NUP210L: variants seen among roughly 807,000 people sequenced by gnomAD.
NUP210L encodes nucleoporin 210 like.
Under a neutral mutation model 208.5 loss-of-function variants are expected in NUP210L, and 74 were observed. The ratio of observed to expected loss-of-function variants is 0.35; its 90% CI spans 0.29 to 0.43. The LOEUF (loss-of-function observed/expected upper bound fraction) is 0.43. Among genes scored for constraint, NUP210L ranks in the 20% least tolerant of loss-of-function variants. The pLI is 1.00. For synonymous variants in NUP210L, 780 were observed against 816.9 expected (o/e 0.95, Z 0.77); for missense variants, 1,843 against 2,289.4 (o/e 0.81, Z 3.98).
At chr1:154,091,055 T>G (rs914031474) in intron 15 of NUP210L, among the ~76,000 whole-genome samples, 1 of 136,434 alleles carries the variant, frequency 7.3e-6, no homozygotes, top group Non-Finnish European at 1.5e-5. Context: ...TTGACAGCAT[T>G]ATTATTATTA....
intron 23 of NUP210L, among the ~76,000 whole-genome samples, chr1:154,055,193 C>A (rs867445969): frequency 1.9e-5 from 2 of 105,980 alleles, no homozygotes; most frequent in African/African-American, 6.6e-5. Flanking sequence ...CTTTCTTTTT[C>A]TTTCTTTCTT....
At chr1:154,044,239 CT>C (rs1361779181) in intron 27 of NUP210L, among the ~76,000 whole-genome samples, 1 of 151,864 alleles carries the variant, frequency 6.6e-6, no homozygotes, top group Non-Finnish European at 1.5e-5. Context: ...AACCCCGTCT[CT>C]ACTAAAAATA....
chr1:154,116,425 G>A (rs1281592598), intron 12 of NUP210L, among the ~76,000 whole-genome samples: 1 of 144,594 alleles, frequency 6.9e-6, no homozygotes, highest in Admixed American at 6.9e-5. Flanking sequence ...CTCCATCTCA[G>A]GGAAAAAAAA....
At chr1:154,154,750 C>A (rs773512502) in intron 1 of NUP210L, 92 bp downstream of exon 1, 1 of 1,043,170 alleles carries the variant, frequency 9.6e-7, no homozygotes, top group Middle Eastern at 2.9e-4. Flanking sequence ...CGGCCCCACA[C>A]GGTATTCCTG....
intron 35 of NUP210L, among the ~76,000 whole-genome samples, chr1:154,008,671 A>G (rs1470292442): frequency 1.3e-5 from 2 of 152,174 alleles, no homozygotes; most frequent in Non-Finnish European, 2.9e-5. Flanking sequence ...GTGCCACTGC[A>G]CTCCAGTCTG....
chr1:153,994,072 GTCTC>G (rs34015972), intron 38 of NUP210L, among the ~76,000 whole-genome samples: 2 of 151,930 alleles, frequency 1.3e-5, no homozygotes, highest in Non-Finnish European at 2.9e-5. Flanking sequence ...TAGAGATGGA[GTCTC>G]TCTGTGTTGC....
intron 7 of NUP210L, among the ~76,000 whole-genome samples, chr1:154,132,571 A>G (rs921476377): frequency 2.6e-5 from 4 of 152,192 alleles, no homozygotes; most frequent in African/African-American, 7.2e-5. Flanking sequence ...ATGTCCTCAA[A>G]AAAGATAAAT....
chr1:154,085,354 AAAAT>A (rs1035074089), intron 16 of NUP210L, among the ~76,000 whole-genome samples: 2 of 151,560 alleles, frequency 1.3e-5, no homozygotes, highest in Non-Finnish European at 2.9e-5. Flanking sequence ...CATCTCAAAA[AAAAT>A]AAATAAATAA....
At chr1:153,997,617 C>A (rs1649969554) in intron 37 of NUP210L, among the ~76,000 whole-genome samples, 1 of 151,466 alleles carries the variant, frequency 6.6e-6, no homozygotes, top group Non-Finnish European at 1.5e-5. Context: ...CAGGCCATCA[C>A]ACCTGGCTAA....
At chr1:154,000,150 T>C (rs1159230466) in intron 37 of NUP210L, among the ~76,000 whole-genome samples, 1 of 152,140 alleles carries the variant, frequency 6.6e-6, no homozygotes, top group South Asian at 2.1e-4. Flanking sequence ...TTCTTAAATA[T>C]ATAAGTTAAA....
intron 34 of NUP210L, among the ~76,000 whole-genome samples, chr1:154,011,139 G>T (rs1172282304): frequency 6.6e-6 from 1 of 151,872 alleles, no homozygotes; most frequent in African/African-American, 2.4e-5. Context: ...ACTGATGCAT[G>T]AGGTTTCTCA....
chr1:154,113,660 C>A (rs1475679483), intron 12 of NUP210L, among the ~76,000 whole-genome samples: 1 of 151,188 alleles, frequency 6.6e-6, no homozygotes, highest in East Asian at 1.9e-4. Flanking sequence ...GAATTCAACA[C>A]CAGCCTGGCC....
intron 1 of NUP210L, among the ~76,000 whole-genome samples, chr1:154,153,660 G>A (rs1374695456): frequency 6.6e-6 from 1 of 152,060 alleles, no homozygotes; most frequent in Non-Finnish European, 1.5e-5. Flanking sequence ...TGATCCGGCT[G>A]GTCTCAAACT....
intron 1 of NUP210L, among the ~76,000 whole-genome samples, chr1:154,154,574 G>A (rs967924349): frequency 6.6e-6 from 1 of 152,074 alleles, no homozygotes; most frequent in Non-Finnish European, 1.5e-5. Flanking sequence ...AACACACACA[G>A]AGAAGAGGCC....
At chr1:154,129,321 C>T (rs376692799) in exon 8 of NUP210L, 12 of 1,610,774 alleles carry the variant, frequency 7.4e-6, no homozygotes, top group Non-Finnish European at 1.0e-5. Context: ...ATTTGGGAGT[C>T]CAGACACAGA....
chr1:154,070,565 A>T lies in NUP210L; in HGVS notation c.2362-100T>A, dbSNP rs1220963961. The T allele has an allele frequency of 5.0e-6, 4 of 806,120 alleles. No individual in the cohort carries two copies. In the East Asian group the frequency reaches 1.2e-4, roughly 24 times the overall value. 49.9% of individuals were successfully genotyped at this position (806,120 alleles called of 1,614,324 possible). A position where few individuals can be genotyped will look rare whatever the true frequency, so the allele number is the denominator to read the frequency against. On this transcript the variant is annotated intron_variant, in intron 16 of 39. Transcript: ENST00000368559. ...GCTAGGAATCGAGTTTTCTCTCAAT[A>T]TTTTTACCTTAAAAATTTGCAAACT... is the stretch of plus-strand genomic sequence containing the variant.
intron 25 of NUP210L, 65 bp from the exon 26 acceptor site, chr1:154,046,434 C>G (rs1232615551): frequency 7.9e-7 from 1 of 1,258,160 alleles, no homozygotes; most frequent in Non-Finnish European, 1.2e-6. Context: ...GACAGAGATG[C>G]TTTTGATAAC....
chr1:154,072,900 T>C (rs1425315235), intron 16 of NUP210L, among the ~76,000 whole-genome samples: 2 of 152,120 alleles, frequency 1.3e-5, no homozygotes, highest in Non-Finnish European at 2.9e-5. Flanking sequence ...GCAAATGCAA[T>C]TAAAACAAAG....
chr1:154,120,754 G>T (rs991619859), intron 10 of NUP210L, among the ~76,000 whole-genome samples: 14 of 151,710 alleles, frequency 9.2e-5, no homozygotes, highest in South Asian at 2.1e-4. Context: ...AAATTAGCCA[G>T]GCATGGTGGC....
Sources: gnomAD v4.1 joint callset for allele counts (sites outside exome capture counted in the v4.1 genomes callset) on GRCh38, gnomAD v4.1.1 for gene constraint, MANE v1.5 for transcripts, NCBI Gene and HGNC (gene_info 2026-07-23, HGNC 2026-07-21) for gene names.